The following MTM1 variants were observed in gnomAD, a reference collection of about 807,000 sequenced individuals.
MTM1 encodes myotubularin 1, also known as myotubularin.
Under a neutral mutation model 52.1 loss-of-function variants are expected in MTM1, and 9 were observed. The observed-to-expected ratio is 0.17, with a 90% CI of 0.10 to 0.30. The LOEUF is 0.30. Ranked by LOEUF, MTM1 falls within the 10% of genes least tolerant of loss-of-function variation. The pLI, the probability that MTM1 is intolerant of heterozygous loss-of-function variation, is 1.00. For missense variants in MTM1, 277 were observed against 470.7 expected (o/e 0.59, Z 3.81); for synonymous variants, 136 against 163.8 (o/e 0.83, Z 1.29).
intron 6 of MTM1, among the ~76,000 whole-genome samples, chrX:150,637,564 A>G (rs1232976957): frequency 2.7e-5 from 3 of 112,204 alleles, no homozygotes; most frequent in African/African-American, 9.7e-5. Flanking sequence ...ACAAGTACAT[A>G]TGTAATATGT....
chrX:150,580,992 T>C (rs2038572335), intron 1 of MTM1, among the ~76,000 whole-genome samples: 1 of 111,843 alleles, frequency 8.9e-6, no homozygotes, highest in African/African-American at 3.3e-5. Flanking sequence ...AAGTTCCAAA[T>C]CCAAATTATT....
At chrX:150,659,622 T>C (rs1226546178) in intron 11 of MTM1, 42 bp from the exon 12 acceptor site, 2 of 1,066,971 alleles carry the variant, frequency 1.9e-6, no homozygotes, top group Non-Finnish European at 2.6e-6. Context: ...CTCAGTTTTG[T>C]ACCCATTAAT....
chrX:150,607,880 C>T lies in MTM1; in HGVS notation c.232-6709C>T, dbSNP rs782420430. Among the ~76,000 whole-genome samples, 4 of 111,786 alleles carry T rather than the reference C, an allele frequency of 3.6e-5. 1 individual carries two copies. Among genetic ancestry groups the T allele is most frequent in the African/African-American group, 9.8e-5 (3 of 30,717 alleles). Reference sequence around the variant, plus strand: ...TTGATAAACATTCTTCTGATAGTCACGCCAATATATAATAACAAGCTGTGA... The same window carrying T: ...TTGATAAACATTCTTCTGATAGTCATGCCAATATATAATAACAAGCTGTGA... On this transcript the variant is annotated intron_variant, in intron 4 of 14. Transcript: ENST00000370396.
At chrX:150,595,403 C>T (rs1228777632) in intron 2 of MTM1, among the ~76,000 whole-genome samples, 1 of 111,603 alleles carries the variant, frequency 9.0e-6, no homozygotes, top group Non-Finnish European at 1.9e-5. Flanking sequence ...GGGAGGCAGA[C>T]GTTGCAGTAA....
chrX:150,585,573 CAG>C (rs2038771944), intron 1 of MTM1, among the ~76,000 whole-genome samples: 2 of 112,375 alleles, frequency 1.8e-5, no homozygotes, highest in African/African-American at 6.5e-5. Flanking sequence ...ATAGTTCTCA[CAG>C]GGGAAAATAG....
chrX:150,621,485 A>G (rs1376319956), intron 6 of MTM1, among the ~76,000 whole-genome samples: 2 of 110,660 alleles, frequency 1.8e-5, no homozygotes, highest in Non-Finnish European at 3.8e-5. Flanking sequence ...AAATATGATC[A>G]TGTTACTGTA....
chrX:150,603,324 C>T (rs782035932), intron 4 of MTM1, among the ~76,000 whole-genome samples: 2 of 111,647 alleles, frequency 1.8e-5, no homozygotes, highest in Non-Finnish European at 3.8e-5. Flanking sequence ...TCATAAGTCA[C>T]AGTTAAGCAG....
In MTM1 at chrX:150,657,463, A is replaced by G. The variant is rs1446301791; in HGVS notation, c.1054-358A>G. 7.6e-4 allele frequency among the ~76,000 whole-genome samples: 61 copies of G among 80,096 alleles called. 1 individual carries two copies. The highest frequency in any genetic ancestry group is 6.7e-4 in the Non-Finnish European group (28 of 41,864). The allele number at this position is 80,096 out of a possible 115,157, so 69.6% of individuals were successfully genotyped here. A position where few individuals can be genotyped will look rare whatever the true frequency, so the allele number is the denominator to read the frequency against. On this transcript the variant is annotated intron_variant, in intron 10 of 14. Coordinates refer to ENST00000370396, the MANE Select transcript of MTM1 (RefSeq NM_000252.3). ...CACAGGAAGGGGAACATCACACACCAGGGCCTGTTGTGGGGTGGGGGGAGG... is the reference window on the plus strand; with the variant it reads ...CACAGGAAGGGGAACATCACACACCGGGGCCTGTTGTGGGGTGGGGGGAGG...
chrX:150,592,676 G>A lies in MTM1; in HGVS notation c.62G>A (p.Arg21Lys), dbSNP rs2148425592. 8.8e-7 allele frequency: 1 copy of A among 1,138,526 alleles called. No individual in the cohort carries two copies. The highest frequency in any genetic ancestry group is 1.8e-5 in the South Asian group (1 of 55,235). The allele number at this position is 1,138,526 out of a possible 1,213,427, so 93.8% of individuals were successfully genotyped here. The change falls in exon 2 of 15, where the codon AGG becomes AAG. Residue 21 changes from arginine to lysine, a missense_variant and splice_region_variant. Physicochemically the swap from Arg to Lys is conservative, Grantham distance 26 (BLOSUM62 2). Transcript: ENST00000370396. ...TCCTTGGAGAATGAGTCTATTAAGA[G>A]GGTAAGTTGAATTTTCAGATTTATC... is the stretch of plus-strand genomic sequence containing the variant. ...SHSLENESIKRTSRDGVNRDL... is the reference protein window; with the variant it reads ...SHSLENESIKKTSRDGVNRDL...
rs149932865 is a variant in MTM1, at chrX:150,590,037, A to G, written c.-10-2568A>G. ...ATAATGTTGATGTAAAATGGGGGTA[A>G]TAGCAACCAAAGCCCAGAGAAGTTA... On this transcript the variant is annotated intron_variant, in intron 1 of 14. Coordinates refer to ENST00000370396, the MANE Select transcript of MTM1 (RefSeq NM_000252.3). Among the ~76,000 whole-genome samples the G allele has an allele frequency of 3.6e-5, 4 of 112,105 alleles. No homozygotes were observed. The East Asian group carries it at 1.1e-3, about 31-fold the overall frequency.
At chrX:150,583,049 ATATAATT>A (rs1256280659) in intron 1 of MTM1, among the ~76,000 whole-genome samples, 1 of 90,738 alleles carries the variant, frequency 1.1e-5, no homozygotes, top group African/African-American at 4.1e-5. Flanking sequence ...AATATAATTT[ATATAATT>A]TATAATTTAT....
chrX:150,664,784 G>A (rs2040278313), intron 14 of MTM1, among the ~76,000 whole-genome samples: 1 of 112,508 alleles, frequency 8.9e-6, no homozygotes. Flanking sequence ...GATGAGCACT[G>A]TGTTTGTCCT....
chrX:150,632,552 T>C (rs950231325), intron 6 of MTM1, among the ~76,000 whole-genome samples: 1 of 111,376 alleles, frequency 9.0e-6, no homozygotes, highest in South Asian at 3.7e-4. Context: ...TGGGCTGCAG[T>C]GTGTGCAGAG....
chrX:150,629,448 T>C (rs782781131), intron 6 of MTM1, among the ~76,000 whole-genome samples: 16 of 111,814 alleles, frequency 1.4e-4, no homozygotes, highest in Non-Finnish European at 2.4e-4. Flanking sequence ...TGGCACTTGC[T>C]GCTATCCTCT....
chrX:150,606,080 A>G (rs1413685123), intron 4 of MTM1, among the ~76,000 whole-genome samples: 1 of 110,317 alleles, frequency 9.1e-6, no homozygotes, highest in African/African-American at 3.3e-5. Context: ...TGGATTTGGC[A>G]CCTCTTTTCA....
At chrX:150,644,736 G>A (rs782618378) in intron 8 of MTM1, among the ~76,000 whole-genome samples, 26 of 110,935 alleles carry the variant, frequency 2.3e-4, no homozygotes, top group Non-Finnish European at 4.3e-4. Flanking sequence ...TTCTTCTTCA[G>A]GCCACCGAGC....
chrX:150,639,187 A>G (rs1440155864), intron 7 of MTM1, among the ~76,000 whole-genome samples, 161 bp downstream of exon 7: 1 of 112,321 alleles, frequency 8.9e-6, no homozygotes, highest in Non-Finnish European at 1.9e-5. Flanking sequence ...ATCTCATTCT[A>G]TCTATTACTG....
At chrX:150,663,349 T>C (rs1557414779) in intron 13 of MTM1, 84 bp from the exon 14 acceptor site, 1 of 1,007,853 alleles carries the variant, frequency 9.9e-7, no homozygotes. Flanking sequence ...TGCTGAACTG[T>C]ATTGCTACAG....
chrX:150,584,176 A>G (rs1201069083), intron 1 of MTM1, among the ~76,000 whole-genome samples: 1 of 105,298 alleles, frequency 9.5e-6, no homozygotes, highest in Non-Finnish European at 1.9e-5. Context: ...TATAATTGAA[A>G]CCTGGAAACA....
Sources: gnomAD v4.1 joint callset for allele counts (sites outside exome capture counted in the v4.1 genomes callset) on GRCh38, gnomAD v4.1.1 for gene constraint, MANE v1.5 for transcripts, NCBI Gene and HGNC (gene_info 2026-07-23, HGNC 2026-07-21) for gene names.